OLFM3: variants seen among roughly 807,000 people sequenced by gnomAD.
OLFM3 encodes olfactomedin 3.
A neutral mutation model predicts 48.6 loss-of-function variants in OLFM3; 20 were observed. The ratio of observed to expected loss-of-function variants is 0.41; its 90% CI spans 0.29 to 0.60. The LOEUF (loss-of-function observed/expected upper bound fraction) is 0.60, where lower values mean the gene tolerates loss of function less well. Ranked by LOEUF, OLFM3 falls within the 20% of genes least tolerant of loss-of-function variation. The pLI is 0.28. For synonymous variants in OLFM3, 222 were observed against 198.1 expected (o/e 1.12, Z -1.01); for missense variants, 437 against 544.3 (o/e 0.80, Z 1.96).
At chr1:101,825,456 T>C (rs1393758416) in intron 3 of OLFM3, among the ~76,000 whole-genome samples, 1 of 152,234 alleles carries the variant, frequency 6.6e-6, no homozygotes, top group African/African-American at 2.4e-5. Context: ...TATGAGAATC[T>C]TTCTTTAATG....
chr1:101,975,217 C>T (rs945646), intron 1 of OLFM3, among the ~76,000 whole-genome samples: 37,567 of 151,924 alleles, frequency 0.25, 5,184 homozygotes, highest in Middle Eastern at 0.35. Flanking sequence ...TGTCAGAAAA[C>T]ATTTATATTA....
At chr1:101,935,074 G>C (rs1659567665) in intron 1 of OLFM3, among the ~76,000 whole-genome samples, 1 of 151,694 alleles carries the variant, frequency 6.6e-6, no homozygotes. Flanking sequence ...AGAAACAAGA[G>C]CAAACCCACC....
chr1:101,893,366 AC>A, intron 1 of OLFM3: 1 of 388,624 alleles, frequency 2.6e-6, no homozygotes, highest in Non-Finnish European at 5.2e-6. Context: ...GTGCATGGAG[AC>A]CCAGGGCCAT....
chr1:101,930,318 G>T (rs973808253), intron 1 of OLFM3, among the ~76,000 whole-genome samples: 8 of 152,152 alleles, frequency 5.3e-5, no homozygotes, highest in Non-Finnish European at 1.2e-4. Context: ...GAATATAATA[G>T]TGGCCATAGG....
intron 1 of OLFM3, among the ~76,000 whole-genome samples, chr1:101,947,445 G>A (rs2101066461): frequency 6.6e-6 from 1 of 152,228 alleles, no homozygotes; most frequent in South Asian, 2.1e-4. Flanking sequence ...AGGGAGGTAA[G>A]ACCAAAAAAA....
At chr1:101,831,912 G>GT (rs539989585) in intron 2 of OLFM3, among the ~76,000 whole-genome samples, 221 of 152,264 alleles carry the variant, frequency 1.5e-3, no homozygotes, top group Middle Eastern at 3.4e-3. Flanking sequence ...TGTTGTTGCT[G>GT]TTTTTTGTGA....
intron 1 of OLFM3, among the ~76,000 whole-genome samples, chr1:101,915,660 T>C (rs1658901911): frequency 6.6e-6 from 1 of 152,128 alleles, no homozygotes; most frequent in Non-Finnish European, 1.5e-5. Flanking sequence ...AAAGTAATAA[T>C]CATCTTTGCA....
chr1:101,836,689 A>T (rs1335868216), intron 2 of OLFM3, among the ~76,000 whole-genome samples, 190 bp downstream of exon 2: 1 of 152,076 alleles, frequency 6.6e-6, no homozygotes, highest in Non-Finnish European at 1.5e-5. Flanking sequence ...GTAAAAAGTC[A>T]TAGAAATAGG....
chr1:101,877,758 T>C (rs992299830), intron 1 of OLFM3, among the ~76,000 whole-genome samples: 2 of 151,854 alleles, frequency 1.3e-5, no homozygotes, highest in South Asian at 4.1e-4. Context: ...TAAAGTCACT[T>C]AGATGTTAAC....
At chr1:101,900,753 G>C (rs77506814) in intron 1 of OLFM3, among the ~76,000 whole-genome samples, 2,904 of 152,146 alleles carry the variant, frequency 0.019, 97 homozygotes, top group African/African-American at 0.067. Context: ...AGATGTAAAG[G>C]ATATTTGAGG....
intron 1 of OLFM3, among the ~76,000 whole-genome samples, chr1:101,970,672 C>A (rs532761924): frequency 6.6e-6 from 1 of 152,172 alleles, no homozygotes; most frequent in East Asian, 1.9e-4. Context: ...CAAACACAAA[C>A]ATAGTTAGGA....
chr1:101,888,182 G>T (rs763631234), intron 1 of OLFM3, among the ~76,000 whole-genome samples: 1 of 152,056 alleles, frequency 6.6e-6, no homozygotes, highest in Non-Finnish European at 1.5e-5. Flanking sequence ...AAGAGAGCCT[G>T]CATTGCCAAG....
chr1:101,912,514 T>C (rs1658794069), intron 1 of OLFM3, among the ~76,000 whole-genome samples: 1 of 152,160 alleles, frequency 6.6e-6, no homozygotes, highest in African/African-American at 2.4e-5. Flanking sequence ...TAGAGCAAAA[T>C]TCCAAAAGTC....
At chr1:101,884,414 T>A (rs1657659825) in intron 1 of OLFM3, among the ~76,000 whole-genome samples, 1 of 151,540 alleles carries the variant, frequency 6.6e-6, no homozygotes, top group Admixed American at 6.6e-5. Flanking sequence ...ATTAAGAAAA[T>A]TGTTGAGAAA....
intron 1 of OLFM3, among the ~76,000 whole-genome samples, chr1:101,948,968 CTA>C (rs1660040699): frequency 6.6e-6 from 1 of 150,768 alleles, no homozygotes; most frequent in African/African-American, 2.4e-5. Flanking sequence ...TTCGCACAAA[CTA>C]TGCAGGAAGT....
At chr1:101,839,542 C>T (rs2100929262) in intron 1 of OLFM3, among the ~76,000 whole-genome samples, 1 of 152,284 alleles carries the variant, frequency 6.6e-6, no homozygotes, top group Middle Eastern at 3.4e-3. Context: ...AGGCTTGTCA[C>T]TAGGATAAAT....
Position 101,803,539 on chromosome 1 carries a change from T to G in OLFM3, c.*699A>C, listed in dbSNP as rs1333219789. 6.6e-6 allele frequency: 1 copy of G among 152,184 alleles called. No homozygotes were observed. The highest frequency in any genetic ancestry group is 2.4e-5 in the African/African-American group (1 of 41,374). The allele number at this position is 152,184 out of a possible 1,614,324, so 9.4% of individuals were successfully genotyped here. ...TATGTAAAGGGGTAAGCCAAGAAGA[T>G]TATTCTTGACCACACTTGAAAATGG... On this transcript the variant is annotated 3_prime_UTR_variant, in exon 6 of 6. Transcript: ENST00000370103.
intron 1 of OLFM3, among the ~76,000 whole-genome samples, chr1:101,996,522 T>C (rs1044538762): frequency 6.6e-6 from 1 of 152,146 alleles, no homozygotes; most frequent in Non-Finnish European, 1.5e-5. Context: ...ATGCACATTA[T>C]ATTTTCTCCT....
At chr1:101,959,361 TAC>T (rs1660399597) in intron 1 of OLFM3, among the ~76,000 whole-genome samples, 4 of 151,210 alleles carry the variant, frequency 2.6e-5, no homozygotes, top group Non-Finnish European at 4.4e-5. Flanking sequence ...TTAACTTTTT[TAC>T]TTTCACTTTC....
Sources: allele counts gnomAD v4.1 joint callset (sites outside exome capture counted in the v4.1 genomes callset), GRCh38; gene constraint gnomAD v4.1.1; transcripts MANE v1.5; gene names NCBI Gene and HGNC (gene_info 2026-07-23, HGNC 2026-07-21).